Variants in IL1RAPL2 observed in about 807,000 individuals in gnomAD.
IL1RAPL2 encodes interleukin 1 receptor accessory protein like 2.
A neutral mutation model predicts 44.1 loss-of-function variants in IL1RAPL2; 3 were observed. The ratio of observed to expected loss-of-function variants is 0.07; its 90% CI spans 0.03 to 0.18. IL1RAPL2 has a LOEUF of 0.18. IL1RAPL2 is among the 10% of genes least tolerant of loss of function. The probability of loss-of-function intolerance (pLI) is 1.00; values close to 1 mark genes in which losing one functional copy is unlikely to be tolerated. For missense variants in IL1RAPL2, 391 were observed against 496.4 expected (o/e 0.79, Z 2.02); for synonymous variants, 181 against 178.8 (o/e 1.01, Z -0.10).
At chrX:105,430,446 T>A (rs1221845545) in intron 5 of IL1RAPL2, among the ~76,000 whole-genome samples, 1 of 111,849 alleles carries the variant, frequency 8.9e-6, no homozygotes, top group African/African-American at 3.2e-5. Context: ...TTTTATTATC[T>A]GGGGTTATTC....
chrX:104,781,411 T>C (rs1437668304), intron 2 of IL1RAPL2, among the ~76,000 whole-genome samples: 1 of 111,995 alleles, frequency 8.9e-6, no homozygotes, highest in African/African-American at 3.2e-5. Context: ...AGCTAGTGTA[T>C]TGGCTAAGTT....
chrX:104,891,551 G>A (rs1392741857), intron 2 of IL1RAPL2, among the ~76,000 whole-genome samples: 1 of 111,330 alleles, frequency 9.0e-6, no homozygotes, highest in Non-Finnish European at 1.9e-5. Flanking sequence ...TATTCTCTTT[G>A]AAGCAATTGT....
chrX:104,934,208 A>G (rs1182963924), intron 2 of IL1RAPL2, among the ~76,000 whole-genome samples: 1 of 110,434 alleles, frequency 9.1e-6, no homozygotes, highest in East Asian at 2.8e-4. Context: ...ACAAATTTGT[A>G]AATACACTCA....
At position 105,668,919 on chromosome X, in the gene IL1RAPL2, G is replaced by A. The variant is rs143327902; in HGVS notation, c.773-48448G>A. On this transcript the variant is annotated intron_variant, in intron 6 of 10. Coordinates refer to ENST00000372582, the MANE Select transcript of IL1RAPL2 (RefSeq NM_017416.2). ...CTACAGAACCAGGCATCCAAATACCGTCATTAACATAGACCTCAAAAGGAG... is the reference window on the plus strand; with the variant it reads ...CTACAGAACCAGGCATCCAAATACCATCATTAACATAGACCTCAAAAGGAG... Among the ~76,000 whole-genome samples, 549 of 111,503 alleles carry A rather than the reference G, an allele frequency of 4.9e-3. 8 individuals are homozygous for A. The highest frequency in any genetic ancestry group is 0.017 in the African/African-American group (519 of 30,627).
intron 2 of IL1RAPL2, among the ~76,000 whole-genome samples, chrX:104,786,922 TCTCTCTCTCTCTCTC>T (rs1569314413): frequency 2.0e-4 from 1 of 5,018 alleles, no homozygotes; most frequent in Non-Finnish European, 4.6e-4. Flanking sequence ...ATTCATATTC[TCTCTCTCTCTCTCTC>T]TCTCTCTCTC....
At chrX:105,572,693 T>C (rs888323084) in intron 6 of IL1RAPL2, among the ~76,000 whole-genome samples, 2 of 70,749 alleles carry the variant, frequency 2.8e-5, no homozygotes, top group Admixed American at 2.0e-4. Context: ...AACACAGTTA[T>C]GCACATTCAT....
At chrX:105,033,986 A>G (rs1341297478) in intron 2 of IL1RAPL2, among the ~76,000 whole-genome samples, 2 of 111,479 alleles carry the variant, frequency 1.8e-5, no homozygotes, top group Non-Finnish European at 3.8e-5. Flanking sequence ...ATGTTCCATC[A>G]CAGATACCCT....
chrX:104,649,570 A>T (rs1201476666), intron 1 of IL1RAPL2, among the ~76,000 whole-genome samples: 3 of 111,974 alleles, frequency 2.7e-5, no homozygotes, highest in African/African-American at 9.7e-5. Flanking sequence ...GTGTTGACTA[A>T]AGAACTGTCT....
At chrX:105,459,177 A>G (rs1006669791) in intron 5 of IL1RAPL2, among the ~76,000 whole-genome samples, 37 of 111,405 alleles carry the variant, frequency 3.3e-4, no homozygotes, top group African/African-American at 1.1e-3. Context: ...CCTTACTCCA[A>G]CATTCCAGAA....
chrX:105,684,737 C>T (rs1217521960), intron 6 of IL1RAPL2, among the ~76,000 whole-genome samples: 1 of 112,239 alleles, frequency 8.9e-6, no homozygotes, highest in Admixed American at 9.4e-5. Context: ...TCAAGTGGGT[C>T]CCTGACCCAC....
At chrX:104,920,284 A>G (rs192808887) in intron 2 of IL1RAPL2, among the ~76,000 whole-genome samples, 3 of 110,689 alleles carry the variant, frequency 2.7e-5, no homozygotes, top group Admixed American at 9.6e-5. Flanking sequence ...CCTTACTTCT[A>G]CAACACTGGG....
chrX:104,709,839 A>G (rs1239639815), intron 2 of IL1RAPL2, among the ~76,000 whole-genome samples: 1 of 110,967 alleles, frequency 9.0e-6, no homozygotes, highest in Non-Finnish European at 1.9e-5. Context: ...AAAAACAGCA[A>G]TGGTCATTGT....
chrX:105,136,007 A>C (rs2033073455), intron 2 of IL1RAPL2, among the ~76,000 whole-genome samples: 2 of 112,100 alleles, frequency 1.8e-5, no homozygotes, highest in Non-Finnish European at 3.8e-5. Context: ...CAGATGGCCA[A>C]GCAGGCAGTA....
intron 2 of IL1RAPL2, among the ~76,000 whole-genome samples, chrX:104,893,972 G>T (rs755667314): frequency 9.0e-6 from 1 of 111,272 alleles, no homozygotes; most frequent in Admixed American, 9.6e-5. Flanking sequence ...GCTCTTTTAG[G>T]GCAGGTCTAG....
At chrX:104,730,887 T>A (rs1332844806) in intron 2 of IL1RAPL2, among the ~76,000 whole-genome samples, 3 of 109,846 alleles carry the variant, frequency 2.7e-5, no homozygotes, top group Non-Finnish European at 5.7e-5. Context: ...AGCACCTGTT[T>A]TTTCCTGACT....
intron 3 of IL1RAPL2, among the ~76,000 whole-genome samples, chrX:105,208,362 A>G (rs1012741801): frequency 4.5e-5 from 5 of 111,493 alleles, no homozygotes; most frequent in African/African-American, 1.6e-4. Context: ...ATTCCCTTCT[A>G]TGACCTGACC....
intron 2 of IL1RAPL2, among the ~76,000 whole-genome samples, chrX:105,149,538 A>G (rs777816240): frequency 3.6e-5 from 4 of 111,658 alleles, no homozygotes; most frequent in Non-Finnish European, 7.5e-5. Flanking sequence ...CGGTATACAA[A>G]TGGTAAAACA....
intron 5 of IL1RAPL2, among the ~76,000 whole-genome samples, chrX:105,427,248 C>T (rs1261609820): frequency 1.8e-5 from 2 of 111,442 alleles, no homozygotes; most frequent in Admixed American, 9.5e-5. Context: ...GATCAGGCCT[C>T]CTGCTGCCAG....
chrX:105,034,311 A>G (rs2031577922), intron 2 of IL1RAPL2, among the ~76,000 whole-genome samples: 1 of 111,370 alleles, frequency 9.0e-6, no homozygotes, highest in African/African-American at 3.3e-5. Context: ...TGCTTTCTAG[A>G]GTTTCCAGAT....
Sources: gnomAD v4.1 joint callset for allele counts (sites outside exome capture counted in the v4.1 genomes callset) on GRCh38, gnomAD v4.1.1 for gene constraint, MANE v1.5 for transcripts, NCBI Gene and HGNC (gene_info 2026-07-23, HGNC 2026-07-21) for gene names.